The following EPS15L1 variants were observed in gnomAD, a reference collection of about 807,000 sequenced individuals.
EPS15L1 encodes the protein epidermal growth factor receptor substrate 15-like 1.
In EPS15L1, 43 loss-of-function variants were observed where a neutral mutation model predicts 117.1. The ratio of observed to expected loss-of-function variants is 0.37; its 90% CI spans 0.29 to 0.47. The LOEUF (loss-of-function observed/expected upper bound fraction) is 0.47. Ranked by LOEUF, EPS15L1 falls within the 20% of genes least tolerant of loss-of-function variation. The pLI is 0.99. For synonymous variants in EPS15L1, 459 were observed against 470.5 expected (o/e 0.98, Z 0.32); for missense variants, 981 against 1,164.0 (o/e 0.84, Z 2.29).
At chr19:16,424,562 G>A (rs1313446074) in intron 9 of EPS15L1, among the ~76,000 whole-genome samples, 2 of 152,062 alleles carry the variant, frequency 1.3e-5, no homozygotes, top group Admixed American at 6.5e-5. Context: ...TGTAATCCCA[G>A]CACTTTGGGA....
At chr19:16,362,249 T>A (rs189008439) in intron 22 of EPS15L1, among the ~76,000 whole-genome samples, 1 of 152,250 alleles carries the variant, frequency 6.6e-6, no homozygotes, top group Admixed American at 6.5e-5. Context: ...AAAACTTGAG[T>A]TGTCCTAGAA....
At chr19:16,457,937 G>A (rs1599683473) in intron 1 of EPS15L1, among the ~76,000 whole-genome samples, 3 of 151,464 alleles carry the variant, frequency 2.0e-5, no homozygotes, top group Non-Finnish European at 4.4e-5. Context: ...AACACCCACC[G>A]CCTCCCACAA....
intron 13 of EPS15L1, chr19:16,413,570 A>G: frequency 1.3e-6 from 1 of 743,494 alleles, no homozygotes; most frequent in Non-Finnish European, 2.2e-6. Context: ...CTGTGGCTAC[A>G]ACATAGGGTT....
At chr19:16,436,370 C>T (rs543945476) in intron 6 of EPS15L1, among the ~76,000 whole-genome samples, 2 of 152,276 alleles carry the variant, frequency 1.3e-5, no homozygotes, top group South Asian at 2.1e-4. Flanking sequence ...AGACAGCCCT[C>T]GTTTTTTTTC....
rs1304189596 is a variant in EPS15L1, at chr19:16,404,817, C to G, written c.1267-68G>C. ...GAAGCATGTCCAAGATAACGGGGGGCAGCCTGGGCCAGAAGTCCAGGGGAA... is the reference window on the plus strand; with the variant it reads ...GAAGCATGTCCAAGATAACGGGGGGGAGCCTGGGCCAGAAGTCCAGGGGAA... On this transcript the variant is annotated intron_variant, in intron 13 of 23. Coordinates refer to ENST00000455140, the MANE Select transcript of EPS15L1 (RefSeq NM_001258374.3). This position sits in a 1 kb window ranked among gnomAD's most constrained non-coding sequence, Gnocchi z 4.2. The G allele has an allele frequency of 8.4e-6, 13 of 1,553,638 alleles. No homozygotes were observed. Among genetic ancestry groups the G allele is most frequent in the African/African-American group, 1.4e-5 (1 of 73,866 alleles).
At chr19:16,448,685 C>T (rs1179022930) in intron 1 of EPS15L1, among the ~76,000 whole-genome samples, 1 of 151,620 alleles carries the variant, frequency 6.6e-6, no homozygotes, top group African/African-American at 2.4e-5. Context: ...AAAAAATTAG[C>T]TGGGTGTAGT....
intron 7 of EPS15L1, among the ~76,000 whole-genome samples, chr19:16,430,566 C>A (rs1395997738): frequency 6.6e-6 from 1 of 152,248 alleles, no homozygotes; most frequent in South Asian, 2.1e-4. Flanking sequence ...CCTGCCCATA[C>A]TAAGCCCTCA....
chr19:16,402,532 T>C (rs2092612978), intron 15 of EPS15L1, 47 bp from the exon 16 acceptor site: 2 of 1,527,126 alleles, frequency 1.3e-6, no homozygotes, highest in East Asian at 2.3e-5. Flanking sequence ...CAGGAAAACA[T>C]GTCAGAAAAG....
At chr19:16,359,342 G>A (rs1158849781) in intron 23 of EPS15L1, among the ~76,000 whole-genome samples, 3 of 152,274 alleles carry the variant, frequency 2.0e-5, no homozygotes, top group South Asian at 2.1e-4. Context: ...CCAGCTGATC[G>A]GCTGAGCCCC....
At chr19:16,360,096 G>A (rs1165665529) in intron 23 of EPS15L1, among the ~76,000 whole-genome samples, 2 of 148,678 alleles carry the variant, frequency 1.3e-5, no homozygotes, top group Non-Finnish European at 3.0e-5. Context: ...TCGAAAAAAC[G>A]AGCCCTTTGC....
At chr19:16,455,894 C>T (rs369929887) in intron 1 of EPS15L1, among the ~76,000 whole-genome samples, 11 of 152,292 alleles carry the variant, frequency 7.2e-5, no homozygotes, top group East Asian at 1.9e-4. Flanking sequence ...GACCTCCCCC[C>T]ACCCTTCGCA....
chr19:16,470,809 G>A (rs1259735901), intron 1 of EPS15L1, among the ~76,000 whole-genome samples: 2 of 152,144 alleles, frequency 1.3e-5, no homozygotes, highest in Admixed American at 6.6e-5. Context: ...ATCTGGCAGA[G>A]ATTAAATGAT....
chr19:16,455,581 T>C (rs1256289748), intron 1 of EPS15L1, among the ~76,000 whole-genome samples: 1 of 152,238 alleles, frequency 6.6e-6, no homozygotes, highest in Non-Finnish European at 1.5e-5. Context: ...TGTTCTCCCA[T>C]CTTGCTTCAC....
At position 16,355,252 on chromosome 19, in the gene EPS15L1, T is replaced by C. The variant is rs536003893; in HGVS notation, c.*453A>G. The C allele has an allele frequency of 6.3e-6, 1 of 158,546 alleles. No homozygotes were observed. Among genetic ancestry groups the C allele is most frequent in the Admixed American group, 6.4e-5 (1 of 15,670 alleles). The allele number at this position is 158,546 out of a possible 1,614,324, so 9.8% of individuals were successfully genotyped here. On this transcript the variant is annotated 3_prime_UTR_variant, in exon 24 of 24. Transcript: ENST00000455140. ...GATTAAAGAAGCTTCTCTTGTTTTGTATTAAAATATTTTATATTAATCATT... is the reference window on the plus strand; with the variant it reads ...GATTAAAGAAGCTTCTCTTGTTTTGCATTAAAATATTTTATATTAATCATT...
rs149799318 is a variant in EPS15L1 at position 16,360,414 on chromosome 19, A to G, written c.2586+1365T>C. Reference sequence around the variant, plus strand: ...AAAATCAAACTCACTGCCGTTGTAAAATATTTATAGGTCACCAAGAGCCAG... The same window carrying G: ...AAAATCAAACTCACTGCCGTTGTAAGATATTTATAGGTCACCAAGAGCCAG... On this transcript the variant is annotated intron_variant, in intron 23 of 23. Coordinates refer to ENST00000455140, the MANE Select transcript of EPS15L1 (RefSeq NM_001258374.3). Among the ~76,000 whole-genome samples, 574 of 152,172 alleles carry G rather than the reference A, an allele frequency of 3.8e-3. 4 individuals carry two copies. The highest frequency in any genetic ancestry group is 0.013 in the African/African-American group (552 of 41,498).
At chr19:16,467,380 C>A (rs2093314343) in intron 1 of EPS15L1, among the ~76,000 whole-genome samples, 1 of 151,994 alleles carries the variant, frequency 6.6e-6, no homozygotes, top group South Asian at 2.1e-4. Flanking sequence ...AAACTCCTGA[C>A]CTCAGGTGAT....
intron 6 of EPS15L1, 51 bp from the exon 7 acceptor site, chr19:16,434,541 T>C (rs1380541654): frequency 6.3e-7 from 1 of 1,582,734 alleles, no homozygotes; most frequent in Admixed American, 1.8e-5. Flanking sequence ...CCTGTGTGAA[T>C]GTCCAGACCG....
intron 6 of EPS15L1, chr19:16,434,726 G>C (rs2145035319): frequency 2.4e-6 from 1 of 412,098 alleles, no homozygotes; most frequent in Middle Eastern, 6.8e-4. Context: ...TCAGGAGGGA[G>C]GCCCTGGCCC....
chr19:16,458,627 A>T (rs2093219109), intron 1 of EPS15L1, among the ~76,000 whole-genome samples: 1 of 152,020 alleles, frequency 6.6e-6, no homozygotes, highest in Non-Finnish European at 1.5e-5. Context: ...CCCAGTCCTG[A>T]AAGTGCTCCC....
Sources: gnomAD v4.1 joint callset for allele counts (sites outside exome capture counted in the v4.1 genomes callset) on GRCh38, gnomAD v4.1.1 for gene constraint, Gnocchi (gnomAD v3.1) non-coding constraint, MANE v1.5 for transcripts, NCBI Gene and HGNC (gene_info 2026-07-23, HGNC 2026-07-21) for gene names.